PTPRG: variants seen among roughly 807,000 people sequenced by gnomAD.
The protein encoded by PTPRG is protein tyrosine phosphatase receptor type G.
Under a neutral mutation model 165.3 loss-of-function variants are expected in PTPRG, and 102 were observed. The ratio of observed to expected loss-of-function variants is 0.62; its 90% CI spans 0.53 to 0.73. The LOEUF (loss-of-function observed/expected upper bound fraction) is 0.73. Among genes scored for constraint, PTPRG ranks in the 30% least tolerant of loss-of-function variants. The pLI, the probability that PTPRG is intolerant of heterozygous loss-of-function variation, is 0.00. For missense variants in PTPRG, 1,866 were observed against 1,861.4 expected, an observed-to-expected ratio of 1.00 and a Z score of -0.05; for synonymous variants, 675 against 669.5, an observed-to-expected ratio of 1.01 and a Z score of -0.13.
chr3:62,220,405 A>G (rs1326781732), intron 13 of PTPRG, among the ~76,000 whole-genome samples: 1 of 152,232 alleles, frequency 6.6e-6, no homozygotes, highest in African/African-American at 2.4e-5. Context: ...CTAGTTCAAG[A>G]AGGACACGAT....
intron 1 of PTPRG, among the ~76,000 whole-genome samples, chr3:61,712,035 A>G (rs2031584439): frequency 6.6e-6 from 1 of 151,720 alleles, no homozygotes; most frequent in South Asian, 2.1e-4. Context: ...CTGGGATTAT[A>G]GGCACCTGCT....
chr3:61,975,791 C>G (rs75944323), intron 2 of PTPRG, among the ~76,000 whole-genome samples: 3,229 of 152,248 alleles, frequency 0.021, 129 homozygotes, highest in East Asian at 0.18. Context: ...ATAATAATTC[C>G]TGTGGTCTGT....
chr3:62,196,032 C>T (rs1468676907), intron 10 of PTPRG, among the ~76,000 whole-genome samples: 2 of 150,378 alleles, frequency 1.3e-5, no homozygotes, highest in Non-Finnish European at 3.0e-5. Flanking sequence ...TCGTGATCTG[C>T]CTGCCTTAGC....
At chr3:62,105,683 G>A (rs940036730) in intron 5 of PTPRG, among the ~76,000 whole-genome samples, 1 of 152,174 alleles carries the variant, frequency 6.6e-6, no homozygotes, top group African/African-American at 2.4e-5. Flanking sequence ...GCCACAATAT[G>A]GGTGGATTTG....
intron 4 of PTPRG, among the ~76,000 whole-genome samples, chr3:62,014,012 C>G (rs376571319): frequency 3.9e-5 from 6 of 152,138 alleles, no homozygotes; most frequent in Non-Finnish European, 5.9e-5. Context: ...TGTGTATCAG[C>G]AACACCACCA....
chr3:61,781,597 C>G (rs1253419681), intron 2 of PTPRG, among the ~76,000 whole-genome samples: 1 of 152,074 alleles, frequency 6.6e-6, no homozygotes, highest in Non-Finnish European at 1.5e-5. Flanking sequence ...AGATTTGTCT[C>G]TGATTCTCTG....
chr3:61,976,067 C>G (rs1261415212), intron 2 of PTPRG, among the ~76,000 whole-genome samples: 1 of 152,118 alleles, frequency 6.6e-6, no homozygotes, highest in Non-Finnish European at 1.5e-5. Flanking sequence ...GTTGGGAACC[C>G]TGCAATGTGC....
chr3:62,082,255 C>T (rs1217661985), intron 5 of PTPRG, among the ~76,000 whole-genome samples: 1 of 152,114 alleles, frequency 6.6e-6, no homozygotes, highest in Admixed American at 6.5e-5. Flanking sequence ...AACATGTGCC[C>T]ATTATTCCTG....
chr3:61,638,530 T>C (rs542672023), intron 1 of PTPRG, among the ~76,000 whole-genome samples: 1 of 83,194 alleles, frequency 1.2e-5, no homozygotes, highest in Admixed American at 1.2e-4. Context: ...TATCATAGAA[T>C]TGAAAAAAAA....
chr3:61,597,954 C>T (rs1700746203), intron 1 of PTPRG, among the ~76,000 whole-genome samples: 4 of 152,108 alleles, frequency 2.6e-5, no homozygotes, highest in Admixed American at 2.6e-4. Context: ...CAGTAGTTGC[C>T]ACAGTTTGTT....
intron 1 of PTPRG, among the ~76,000 whole-genome samples, chr3:61,739,674 T>C (rs1350803401): frequency 6.6e-6 from 1 of 152,178 alleles, no homozygotes; most frequent in Non-Finnish European, 1.5e-5. Context: ...GCCTGTGTAT[T>C]GATGGTAATT....
At chr3:62,087,534 T>C (rs1211544140) in intron 5 of PTPRG, among the ~76,000 whole-genome samples, 3 of 152,240 alleles carry the variant, frequency 2.0e-5, no homozygotes, top group Non-Finnish European at 2.9e-5. Flanking sequence ...AGTGTCTCAC[T>C]TAATCTTCAC....
intron 8 of PTPRG, among the ~76,000 whole-genome samples, chr3:62,188,445 A>G (rs537698885): frequency 6.6e-6 from 1 of 152,322 alleles, no homozygotes; most frequent in Non-Finnish European, 1.5e-5. Flanking sequence ...GTGCGTATGT[A>G]CTTTCACATG....
At chr3:61,945,214 T>C (rs1330624897) in intron 2 of PTPRG, among the ~76,000 whole-genome samples, 1 of 152,092 alleles carries the variant, frequency 6.6e-6, no homozygotes, top group African/African-American at 2.4e-5. Flanking sequence ...GTAGGAAATT[T>C]TGTATGCTTT....
At chr3:61,872,360 T>C (rs1279696096) in intron 2 of PTPRG, among the ~76,000 whole-genome samples, 1 of 152,168 alleles carries the variant, frequency 6.6e-6, no homozygotes, top group East Asian at 1.9e-4. Context: ...AGAACCAGCC[T>C]CTTCAAAAAT....
intron 2 of PTPRG, among the ~76,000 whole-genome samples, chr3:61,796,593 G>A (rs2035051315): frequency 6.6e-6 from 1 of 152,130 alleles, no homozygotes; most frequent in African/African-American, 2.4e-5. Flanking sequence ...TAGCATGGTG[G>A]GGAGGGGGTT....
intron 28 of PTPRG, among the ~76,000 whole-genome samples, chr3:62,287,808 C>T (rs1002449364): frequency 1.1e-4 from 17 of 152,196 alleles, no homozygotes; most frequent in Admixed American, 9.8e-4. Context: ...AGAGAGACTG[C>T]ACAGAGAGAC....
intron 2 of PTPRG, among the ~76,000 whole-genome samples, chr3:61,964,611 G>A (rs1009654670): frequency 2.0e-5 from 3 of 152,022 alleles, no homozygotes; most frequent in Admixed American, 6.6e-5. Context: ...CTTTCTCCAG[G>A]CACCTATAAA....
intron 8 of PTPRG, among the ~76,000 whole-genome samples, chr3:62,186,225 C>G (rs1222122608): frequency 2.0e-5 from 3 of 152,144 alleles, no homozygotes; most frequent in African/African-American, 7.2e-5. Flanking sequence ...ACAAGATCCT[C>G]AACACATTTG....
Sources: allele counts gnomAD v4.1 joint callset (sites outside exome capture counted in the v4.1 genomes callset), GRCh38; gene constraint gnomAD v4.1.1; transcripts MANE v1.5; gene names NCBI Gene and HGNC (gene_info 2026-07-23, HGNC 2026-07-21).